SLC8A1: variants seen among roughly 807,000 people sequenced by gnomAD.
SLC8A1 encodes solute carrier family 8 member A1, also known as sodium/calcium exchanger 1.
A neutral mutation model predicts 68.3 loss-of-function variants in SLC8A1; 18 were observed. The ratio of observed to expected loss-of-function variants is 0.26; its 90% CI spans 0.18 to 0.39. The LOEUF (loss-of-function observed/expected upper bound fraction) is 0.39. SLC8A1 is among the 10% of genes least tolerant of loss of function. The pLI is 1.00. For missense variants in SLC8A1, 985 were observed against 1,156.7 expected (o/e 0.85, Z 2.15); for synonymous variants, 475 against 415.5 (o/e 1.14, Z -1.74).
intron 2 of SLC8A1, among the ~76,000 whole-genome samples, chr2:40,257,856 C>T (rs2064150419): frequency 6.6e-6 from 1 of 152,214 alleles, no homozygotes; most frequent in Non-Finnish European, 1.5e-5. Context: ...AACCACATCT[C>T]CACATGGACA....
At chr2:40,142,092 T>TATA (rs2041678680) in intron 6 of SLC8A1, among the ~76,000 whole-genome samples, 1 of 152,194 alleles carries the variant, frequency 6.6e-6, no homozygotes, top group African/African-American at 2.4e-5. Context: ...GAAGCCTCTC[T>TATA]ATATCATGAC....
At chr2:40,168,066 T>G (rs1219748467) in intron 4 of SLC8A1, among the ~76,000 whole-genome samples, 4 of 152,204 alleles carry the variant, frequency 2.6e-5, no homozygotes, top group Admixed American at 1.3e-4. Context: ...GATCATTTTT[T>G]CATTGAGCAC....
intron 2 of SLC8A1, among the ~76,000 whole-genome samples, chr2:40,251,943 TTA>T (rs1339014135): frequency 6.6e-6 from 1 of 152,104 alleles, no homozygotes; most frequent in African/African-American, 2.4e-5. Flanking sequence ...CCCAAAATGT[TTA>T]GAGTGTATAA....
At chr2:40,134,223 C>T (rs2040048535) in intron 7 of SLC8A1, among the ~76,000 whole-genome samples, 1 of 151,994 alleles carries the variant, frequency 6.6e-6, no homozygotes, top group Non-Finnish European at 1.5e-5. Flanking sequence ...TCCCGAACAG[C>T]TGGGATTACA....
exon 8 of SLC8A1, chr2:40,115,245 T>C (rs2125067665): frequency 1.9e-6 from 3 of 1,591,570 alleles, no homozygotes; most frequent in Non-Finnish European, 2.6e-6. Flanking sequence ...CTATATCTGA[T>C]AGTTCCTTTA....
chr2:40,200,878 T>A (rs2148709022), intron 2 of SLC8A1, among the ~76,000 whole-genome samples: 1 of 152,050 alleles, frequency 6.6e-6, no homozygotes, highest in Admixed American at 6.6e-5. Context: ...CTTAAATATT[T>A]ATATATGATA....
chr2:40,232,260 G>C (rs1377201685), intron 2 of SLC8A1, among the ~76,000 whole-genome samples: 1 of 152,134 alleles, frequency 6.6e-6, no homozygotes, highest in Non-Finnish European at 1.5e-5. Context: ...ACACTGTAGA[G>C]ATGTAACAGA....
At chr2:40,129,712 A>G (rs1201947893) in intron 7 of SLC8A1, among the ~76,000 whole-genome samples, 1 of 152,188 alleles carries the variant, frequency 6.6e-6, no homozygotes, top group Non-Finnish European at 1.5e-5. Flanking sequence ...TTCACATAAC[A>G]CATGCATAAC....
At chr2:40,160,346 A>G (rs1365833386) in intron 6 of SLC8A1, among the ~76,000 whole-genome samples, 1 of 152,184 alleles carries the variant, frequency 6.6e-6, no homozygotes, top group Non-Finnish European at 1.5e-5. Flanking sequence ...AGAGTGTAAA[A>G]TGATGCAGAT....
intron 5 of SLC8A1, among the ~76,000 whole-genome samples, chr2:40,163,105 C>T (rs2045970094): frequency 6.6e-6 from 1 of 152,152 alleles, no homozygotes; most frequent in African/African-American, 2.4e-5. Flanking sequence ...TCTATGGAAG[C>T]TATCCTACAA....
intron 2 of SLC8A1, among the ~76,000 whole-genome samples, chr2:40,194,602 T>C (rs1176369385): frequency 6.6e-6 from 1 of 151,868 alleles, no homozygotes; most frequent in Non-Finnish European, 1.5e-5. Context: ...AATAGCCACT[T>C]AATATTGGAG....
At chr2:40,210,816 C>T (rs934519757) in intron 2 of SLC8A1, among the ~76,000 whole-genome samples, 1 of 152,186 alleles carries the variant, frequency 6.6e-6, no homozygotes, top group Non-Finnish European at 1.5e-5. Context: ...TTCTCACTCC[C>T]ACTCAGTTTA....
rs149379136 is a variant in SLC8A1 at position 40,382,555 on chromosome 2, G to A, written c.1808+45918C>T. Among the ~76,000 whole-genome samples, 548 of 152,126 alleles carry A rather than the reference G, an allele frequency of 3.6e-3. 3 individuals carry two copies. Among genetic ancestry groups the A allele is most frequent in the African/African-American group, 0.012 (484 of 41,524 alleles). On this transcript the variant is annotated intron_variant, in intron 2 of 7. Coordinates refer to ENST00000406785, the Ensembl canonical transcript of SLC8A1. ...TAAGTACTAATAAACACTCCGTAAA[G>A]ACTAGTATTATTTTCTTTTGACTGC...
At position 40,160,746 on chromosome 2, in the gene SLC8A1, T is replaced by G; in HGVS notation, c.2161+19A>C. ...GATTGGGCAATTTTAATTTATAATATGCAGAGAAAGGCACTCACCAGCACT... is the reference window on the plus strand; with the variant it reads ...GATTGGGCAATTTTAATTTATAATAGGCAGAGAAAGGCACTCACCAGCACT... On this transcript the variant is annotated intron_variant, in intron 6 of 7. Coordinates refer to ENST00000406785, the Ensembl canonical transcript of SLC8A1. 1 of 1,605,310 alleles carries G rather than the reference T, an allele frequency of 6.2e-7. No homozygotes were observed. The highest frequency in any genetic ancestry group is 8.5e-7 in the Non-Finnish European group (1 of 1,172,132).
At chr2:40,388,591 T>C (rs34988656) in intron 2 of SLC8A1, among the ~76,000 whole-genome samples, 57,185 of 152,030 alleles carry the variant, frequency 0.38, 11,875 homozygotes, top group Non-Finnish European at 0.46. Flanking sequence ...CACTAATTTA[T>C]GTCCTTTGGG....
chr2:40,454,579 G>T (rs1434581341), upstream of SLC8A1, among the ~76,000 whole-genome samples: 2 of 147,930 alleles, frequency 1.4e-5, no homozygotes, highest in Non-Finnish European at 3.0e-5. Flanking sequence ...CTTTTAGACT[G>T]ATTTGGATTC....
At chr2:40,264,659 A>G (rs2065127840) in intron 2 of SLC8A1, among the ~76,000 whole-genome samples, 1 of 152,190 alleles carries the variant, frequency 6.6e-6, no homozygotes, top group South Asian at 2.1e-4. Context: ...ATGAGAACAC[A>G]CGGACACAGG....
At chr2:40,207,553 A>G (rs2055697695) in intron 2 of SLC8A1, among the ~76,000 whole-genome samples, 1 of 152,144 alleles carries the variant, frequency 6.6e-6, no homozygotes, top group Non-Finnish European at 1.5e-5. Flanking sequence ...GGTTTTCAAT[A>G]TAACTACTCG....
intron 1 of SLC8A1, among the ~76,000 whole-genome samples, chr2:40,488,508 G>A (rs532349050): frequency 5.3e-5 from 8 of 152,078 alleles, no homozygotes; most frequent in Non-Finnish European, 1.0e-4. Flanking sequence ...CATTTAGCAC[G>A]TGGAGAAAAT....
Sources: gnomAD v4.1 joint callset for allele counts (sites outside exome capture counted in the v4.1 genomes callset) on GRCh38, gnomAD v4.1.1 for gene constraint, MANE v1.5 for transcripts, NCBI Gene and HGNC (gene_info 2026-07-23, HGNC 2026-07-21) for gene names.